The following COL4A2 variants were observed in gnomAD, a reference collection of about 807,000 sequenced individuals.
The protein encoded by COL4A2 is collagen type IV alpha 2 chain.
Under a neutral mutation model 200.2 loss-of-function variants are expected in COL4A2, and 99 were observed. That is an observed-to-expected ratio of 0.49 (90% CI 0.42 to 0.58). COL4A2 has a LOEUF of 0.58. Among genes scored for constraint, COL4A2 ranks in the 20% least tolerant of loss-of-function variants. COL4A2 has a pLI of 0.00. For synonymous variants in COL4A2, 897 were observed against 900.6 expected (o/e 1.00, Z 0.07); for missense variants, 1,950 against 2,314.1 (o/e 0.84, Z 3.23).
chr13:110,318,065 C>T (rs1263222380), intron 3 of COL4A2, among the ~76,000 whole-genome samples: 2 of 152,154 alleles, frequency 1.3e-5, no homozygotes, highest in South Asian at 4.1e-4. Context: ...AGAAGTGGAG[C>T]CTGTGGGCTT....
At chr13:110,442,023 T>G (rs1350130840) in intron 16 of COL4A2, among the ~76,000 whole-genome samples, 2 of 138,478 alleles carry the variant, frequency 1.4e-5, no homozygotes, top group Admixed American at 7.8e-5. Flanking sequence ...GAGGCAGAGG[T>G]TGCAGTGAGC....
rs9515217 is a variant in COL4A2 at position 110,457,323 on chromosome 13, A to C, written c.1340-20A>C. On this transcript the variant is annotated intron_variant, in intron 20 of 47. Transcript: ENST00000360467. Reference sequence around the variant, plus strand: ...GGCGTCCGTGGGGCTCATGCCCTGCATCTGTGGTTGTCTCTCTAGGCTTCC... The same window carrying C: ...GGCGTCCGTGGGGCTCATGCCCTGCCTCTGTGGTTGTCTCTCTAGGCTTCC... The C allele has an allele frequency of 8.2e-3, 10,905 of 1,330,752 alleles. 521 individuals are homozygous for C. Among genetic ancestry groups the C allele is most frequent in the Middle Eastern group, 0.028 (129 of 4,584 alleles). 82.4% of individuals were successfully genotyped at this position (1,330,752 alleles called of 1,614,324 possible). A position where few individuals can be genotyped will look rare whatever the true frequency, so the allele number is the denominator to read the frequency against.
chr13:110,360,147 G>A (rs1038007133), intron 4 of COL4A2, among the ~76,000 whole-genome samples: 1 of 152,198 alleles, frequency 6.6e-6, no homozygotes, highest in African/African-American at 2.4e-5. Context: ...CCCTTGACTG[G>A]CTCAGCCTTA....
Position 110,466,969 on chromosome 13 carries a change from G to A in COL4A2, c.2039-71G>A. 3 of 1,598,776 alleles carry A rather than the reference G, an allele frequency of 1.9e-6. No individual in the cohort carries two copies. In the South Asian group the frequency reaches 3.3e-5, roughly 18 times the overall value. On this transcript the variant is annotated intron_variant, in intron 26 of 47. Transcript: ENST00000360467. ...TGCACAGCTCGTGCTTTTGCCCTTG[G>A]GGATCCCCAAGGCCGTGGGACTCAG... is the stretch of plus-strand genomic sequence containing the variant.
intron 34 of COL4A2, among the ~76,000 whole-genome samples, chr13:110,487,800 C>T (rs975403409): frequency 2.0e-5 from 3 of 152,172 alleles, no homozygotes; most frequent in Non-Finnish European, 4.4e-5. Context: ...ATCGGGAGCA[C>T]AGCTGCTTTA....
rs367998 is a variant in COL4A2 at position 110,491,634 on chromosome 13, C to G, written c.3454+294C>G. The stretch of plus-strand genomic sequence containing the variant: ...CGACGGTTTGTAAGGGATCCCTTTG[C>G]TTGCATTGAATATGCAGAAACCCCT... On this transcript the variant is annotated intron_variant, in intron 37 of 47. Coordinates refer to ENST00000360467, the MANE Select transcript of COL4A2 (RefSeq NM_001846.4). Among the ~76,000 whole-genome samples the G allele has an allele frequency of 0.11, 16,353 of 152,030 alleles. 857 individuals are homozygous for G. Among genetic ancestry groups the G allele is most frequent in the East Asian group, 0.16 (845 of 5,158 alleles).
Position 110,506,615 on chromosome 13 carries a change from C to T in COL4A2, c.4594+9C>T. The T allele has an allele frequency of 6.3e-7, 1 of 1,597,026 alleles. No homozygotes were observed. Among genetic ancestry groups the T allele is most frequent in the South Asian group, 1.1e-5 (1 of 88,516 alleles). Reference sequence around the variant, plus strand: ...GCACAACCAGGACCTGGGTAGGTACCTCCCACCCGGCCCCCGTTGCCTGCT... The same window carrying T: ...GCACAACCAGGACCTGGGTAGGTACTTCCCACCCGGCCCCCGTTGCCTGCT... On this transcript the variant is annotated intron_variant, in intron 46 of 47. Transcript: ENST00000360467.
intron 28 of COL4A2, among the ~76,000 whole-genome samples, chr13:110,470,636 T>C (rs1882433918): frequency 6.6e-6 from 1 of 152,158 alleles, no homozygotes; most frequent in African/African-American, 2.4e-5. Context: ...CCAACTGGGC[T>C]CTAGAAACTG....
chr13:110,503,316 T>C, intron 42 of COL4A2, 34 bp downstream of exon 42: 1 of 1,591,948 alleles, frequency 6.3e-7, no homozygotes, highest in Non-Finnish European at 8.5e-7. Context: ...CCAGCAGCCC[T>C]GGCCACAGTG....
intron 3 of COL4A2, among the ~76,000 whole-genome samples, chr13:110,348,705 G>A (rs1189382752): frequency 6.6e-6 from 1 of 151,944 alleles, no homozygotes. Flanking sequence ...TCAAAAGGAT[G>A]ATAACTTTTT....
chr13:110,403,599 G>A (rs1879455288), intron 4 of COL4A2, among the ~76,000 whole-genome samples: 1 of 152,154 alleles, frequency 6.6e-6, no homozygotes, highest in Non-Finnish European at 1.5e-5. Context: ...GATGGTTGAG[G>A]CTTTCTCTAC....
intron 39 of COL4A2, 44 bp from the exon 40 acceptor site, chr13:110,495,298 G>A (rs1346449143): frequency 6.2e-7 from 1 of 1,613,250 alleles, no homozygotes; most frequent in Non-Finnish European, 8.5e-7. Context: ...TCAACTGTAT[G>A]GTTGGAAACA....
chr13:110,352,327 C>T (rs1018585993), intron 3 of COL4A2, among the ~76,000 whole-genome samples: 1 of 152,238 alleles, frequency 6.6e-6, no homozygotes, highest in African/African-American at 2.4e-5. Flanking sequence ...TAATGCAATA[C>T]TTAAGGACCC....
Position 110,492,162 on chromosome 13 carries a change from G to C in COL4A2, c.3547G>C (p.Ala1183Pro). 6.4e-7 allele frequency: 1 copy of C among 1,552,566 alleles called. No individual in the cohort carries two copies. Among genetic ancestry groups the C allele is most frequent in the Non-Finnish European group, 8.7e-7 (1 of 1,147,344 alleles). ...GGKGDDGWPG[A>P]PGLPGFPGLR... ...CAAAGGAGATGATGGCTGGCCGGGA[G>C]CTCCGGGCTTACCAGGTAAGGTCAC... Residue 1183 changes from alanine to proline, a missense_variant, in exon 38 of 48, where the codon GCT becomes CCT. Transcript: ENST00000360467.
At chr13:110,450,595 A>G in intron 20 of COL4A2, 141 bp downstream of exon 20, 1 of 983,288 alleles carries the variant, frequency 1.0e-6, no homozygotes, top group Admixed American at 2.3e-5. Context: ...CAGTGGATCC[A>G]GGTAGATTAG....
chr13:110,325,002 G>A (rs1885369431), intron 3 of COL4A2, among the ~76,000 whole-genome samples: 1 of 152,164 alleles, frequency 6.6e-6, no homozygotes, highest in Non-Finnish European at 1.5e-5. Flanking sequence ...TCATGCCTGA[G>A]AGCACGTTCG....
intron 3 of COL4A2, among the ~76,000 whole-genome samples, chr13:110,324,924 T>G (rs1885367813): frequency 6.6e-6 from 1 of 152,140 alleles, no homozygotes; most frequent in Admixed American, 6.5e-5. Flanking sequence ...TTTGGAAGGG[T>G]TAAGGAATTT....
chr13:110,495,259 A>T (rs1044274692), intron 39 of COL4A2, 83 bp from the exon 40 acceptor site: 15 of 1,552,230 alleles, frequency 9.7e-6, no homozygotes, highest in Admixed American at 1.7e-5. Context: ...CTTTTGAGGC[A>T]CCCCAAGCTG....
In COL4A2 at chr13:110,485,717, GGC is replaced by G. The variant is rs749295379; in HGVS notation, c.3089_3090del (p.Gly1030AlafsTer41). 1.2e-6 allele frequency: 2 copies of G among 1,613,628 alleles called. No homozygotes were observed. The highest frequency in any genetic ancestry group is 4.5e-5 in the East Asian group (2 of 44,862). The part of the protein sequence containing the change: ...SGIPGLPGRP[G>X]HIKGVKGDIG... The stretch of plus-strand genomic sequence containing the variant: ...AATCCCTGGGCTGCCTGGGAGGCCC[GGC>G]CACATCAAAGGAGTCAAGGGAGACA... On this transcript the variant is annotated frameshift_variant, in exon 34 of 48. Transcript: ENST00000360467. LOFTEE classifies it high-confidence loss of function.
Sources: allele counts gnomAD v4.1 joint callset (sites outside exome capture counted in the v4.1 genomes callset), GRCh38; gene constraint gnomAD v4.1.1; transcripts MANE v1.5; gene names NCBI Gene and HGNC (gene_info 2026-07-23, HGNC 2026-07-21).